The following PPA2 variants were observed in gnomAD, a reference collection of about 807,000 sequenced individuals.
The protein encoded by PPA2 is inorganic pyrophosphatase 2.
PPA2 carries 48 observed loss-of-function variants against 49.5 expected under a neutral mutation model. The ratio of observed to expected loss-of-function variants is 0.97; its 90% confidence interval spans 0.77 to 1.23. The LOEUF is 1.23. Ranked by LOEUF, PPA2 falls within the 50% of genes most tolerant of loss-of-function variation. The pLI, the probability that PPA2 is intolerant of heterozygous loss-of-function variation, is 0.00. For missense variants in PPA2, 429 were observed against 410.1 expected (o/e 1.05, Z -0.40); for synonymous variants, 131 against 139.9 (o/e 0.94, Z 0.45).
At chr4:105,410,049 G>A (rs975568183) in intron 7 of PPA2, among the ~76,000 whole-genome samples, 1 of 152,234 alleles carries the variant, frequency 6.6e-6, no homozygotes, top group African/African-American at 2.4e-5. Context: ...GAACAAAGCT[G>A]GATGGAGAAT....
chr4:105,442,886 G>C (rs1578866135), intron 5 of PPA2, among the ~76,000 whole-genome samples: 1 of 152,156 alleles, frequency 6.6e-6, no homozygotes, highest in Non-Finnish European at 1.5e-5. Flanking sequence ...AACAGCTAAA[G>C]TATCCACACA....
intron 7 of PPA2, among the ~76,000 whole-genome samples, chr4:105,413,091 T>A (rs1722837361): frequency 6.6e-6 from 1 of 152,188 alleles, no homozygotes; most frequent in African/African-American, 2.4e-5. Context: ...CAAATGTCCA[T>A]CAATGATAGA....
chr4:105,430,785 A>G (rs1723762069), intron 6 of PPA2, among the ~76,000 whole-genome samples: 1 of 152,234 alleles, frequency 6.6e-6, no homozygotes, highest in Non-Finnish European at 1.5e-5. Context: ...GGAAAAACAA[A>G]TAGTGTACAA....
chr4:105,411,776 A>G (rs1203646418), intron 7 of PPA2, among the ~76,000 whole-genome samples: 2 of 152,226 alleles, frequency 1.3e-5, no homozygotes, highest in African/African-American at 4.8e-5. Flanking sequence ...AAAAATCATG[A>G]GCATTCCTAT....
chr4:105,422,981 A>G (rs2110268102), intron 7 of PPA2, among the ~76,000 whole-genome samples: 1 of 152,296 alleles, frequency 6.6e-6, no homozygotes, highest in Admixed American at 6.5e-5. Flanking sequence ...CTATTACCTT[A>G]TCAATTCTCA....
chr4:105,418,555 G>T (rs1236530036), intron 7 of PPA2, among the ~76,000 whole-genome samples: 1 of 152,098 alleles, frequency 6.6e-6, no homozygotes, highest in Non-Finnish European at 1.5e-5. Flanking sequence ...GAAAATGTCA[G>T]AACGGTCTCA....
At position 105,385,494 on chromosome 4, in the gene PPA2, C is replaced by A. The variant is rs1372720087; in HGVS notation, c.939+1073G>T. On this transcript the variant is annotated intron_variant, in intron 10 of 11. Coordinates refer to ENST00000341695, the MANE Select transcript of PPA2 (RefSeq NM_176869.3). ...AAAAGCAGCCACAGTGATCAACTAA[C>A]ATTTAGGAACATTTTAGTTGTTCTT... Among the ~76,000 whole-genome samples, 18 of 152,022 alleles carry A rather than the reference C, an allele frequency of 1.2e-4. No individual in the cohort carries two copies. In the Middle Eastern group the frequency reaches 0.017, roughly 144 times the overall value.
chr4:105,435,399 C>T (rs1323412691), intron 6 of PPA2, among the ~76,000 whole-genome samples: 1 of 152,140 alleles, frequency 6.6e-6, no homozygotes, highest in Admixed American at 6.5e-5. Flanking sequence ...TCAGAGAACA[C>T]TTGAGAGATG....
chr4:105,432,431 C>T (rs1319397755), intron 6 of PPA2, among the ~76,000 whole-genome samples: 8 of 152,142 alleles, frequency 5.3e-5, no homozygotes, highest in Non-Finnish European at 1.0e-4. Flanking sequence ...TAAATCAAGA[C>T]TTTAATCAAA....
chr4:105,396,193 G>C, intron 9 of PPA2, 56 bp downstream of exon 9: 1 of 1,069,198 alleles, frequency 9.4e-7, no homozygotes, highest in South Asian at 1.7e-5. Flanking sequence ...ATTATTATGT[G>C]GCTGTTTAAT....
Position 105,424,444 on chromosome 4 carries a change from A to C in PPA2, c.529-122T>G, listed in dbSNP as rs573349493. On this transcript the variant is annotated intron_variant, in intron 6 of 11. Transcript: ENST00000341695. ...AAATGTAACAAAGCCTCAATAATTAAAAATAATATGAAAATAGCCAAAGTC... is the reference window on the plus strand; with the variant it reads ...AAATGTAACAAAGCCTCAATAATTACAAATAATATGAAAATAGCCAAAGTC... The C allele has an allele frequency of 4.9e-4, 448 of 906,414 alleles. 6 individuals carry two copies. The South Asian group carries it at 0.011, about 22-fold the overall frequency. 56.1% of individuals were successfully genotyped at this position (906,414 alleles called of 1,614,324 possible). A position where few individuals can be genotyped will look rare whatever the true frequency, so the allele number is the denominator to read the frequency against.
At chr4:105,471,832 C>A (rs182628702) in intron 1 of PPA2, among the ~76,000 whole-genome samples, 1 of 152,306 alleles carries the variant, frequency 6.6e-6, no homozygotes, top group African/African-American at 2.4e-5. Flanking sequence ...ACCATCGGGA[C>A]CCTCTCCAAA....
Position 105,420,606 on chromosome 4 carries a change from T to C in PPA2, c.655+3590A>G, listed in dbSNP as rs1723209008. Among the ~76,000 whole-genome samples the C allele has an allele frequency of 3.3e-5, 5 of 152,200 alleles. No homozygotes were observed. In the South Asian group the frequency reaches 1.0e-3, roughly 31 times the overall value. ...TATGCCAAGAAGTATAGATGACAAATGTTTAAACGGTCATAAAATATAAAA... is the reference window on the plus strand; with the variant it reads ...TATGCCAAGAAGTATAGATGACAAACGTTTAAACGGTCATAAAATATAAAA... On this transcript the variant is annotated intron_variant, in intron 7 of 11. Coordinates refer to ENST00000341695, the MANE Select transcript of PPA2 (RefSeq NM_176869.3).
intron 1 of PPA2, among the ~76,000 whole-genome samples, chr4:105,460,466 C>T (rs1723039023): frequency 6.6e-6 from 1 of 152,112 alleles, no homozygotes; most frequent in Non-Finnish European, 1.5e-5. Context: ...CCTGCAAATA[C>T]AGAGGGACAA....
At chr4:105,459,021 A>G (rs1171557685) in intron 1 of PPA2, among the ~76,000 whole-genome samples, 1 of 152,136 alleles carries the variant, frequency 6.6e-6, no homozygotes, top group East Asian at 1.9e-4. Flanking sequence ...CTGGGAAAGT[A>G]CCTAGCACTT....
At chr4:105,389,495 C>T (rs1733818838) in intron 9 of PPA2, among the ~76,000 whole-genome samples, 1 of 148,138 alleles carries the variant, frequency 6.8e-6, no homozygotes, top group Non-Finnish European at 1.5e-5. Flanking sequence ...CCTTTTTATA[C>T]TAAGATATTA....
At chr4:105,432,655 G>A (rs1198550307) in intron 6 of PPA2, among the ~76,000 whole-genome samples, 3 of 152,230 alleles carry the variant, frequency 2.0e-5, no homozygotes, top group Non-Finnish European at 4.4e-5. Flanking sequence ...ATGCAGCCCA[G>A]GATGGCTTTC....
chr4:105,465,829 T>C (rs1723279554), intron 1 of PPA2, among the ~76,000 whole-genome samples: 1 of 152,124 alleles, frequency 6.6e-6, no homozygotes. Context: ...GGTCCTTCAA[T>C]TCTTAGATTT....
intron 1 of PPA2, among the ~76,000 whole-genome samples, chr4:105,462,671 G>A (rs897899000): frequency 1.3e-5 from 2 of 152,142 alleles, no homozygotes; most frequent in South Asian, 2.1e-4. Flanking sequence ...ATATTGATAT[G>A]GTTTGGCTGT....
Sources: allele counts gnomAD v4.1 joint callset (sites outside exome capture counted in the v4.1 genomes callset), GRCh38; gene constraint gnomAD v4.1.1; transcripts MANE v1.5; gene names NCBI Gene and HGNC (gene_info 2026-07-23, HGNC 2026-07-21).